The following CLEC16A variants were observed in gnomAD, a reference collection of about 807,000 sequenced individuals.
CLEC16A encodes protein CLEC16A.
Under a neutral mutation model 109.5 loss-of-function variants are expected in CLEC16A, and 51 were observed. The observed-to-expected ratio is 0.47, with a 90% CI of 0.37 to 0.59. CLEC16A has a LOEUF of 0.59. Among genes scored for constraint, CLEC16A ranks in the 20% least tolerant of loss-of-function variants. The pLI, the probability that CLEC16A is intolerant of heterozygous loss-of-function variation, is 0.00. For missense variants in CLEC16A, 1,339 were observed against 1,394.0 expected, an observed-to-expected ratio of 0.96 and a Z score of 0.63; for synonymous variants, 673 against 564.2, an observed-to-expected ratio of 1.19 and a Z score of -2.73.
At chr16:10,977,951 A>G (rs887278758) in intron 8 of CLEC16A, among the ~76,000 whole-genome samples, 5 of 152,174 alleles carry the variant, frequency 3.3e-5, no homozygotes, top group Admixed American at 1.3e-4. Context: ...CATCAGGAGG[A>G]AACAGGAAAC....
At chr16:11,044,907 CAA>C (rs1189084833) in intron 16 of CLEC16A, among the ~76,000 whole-genome samples, 1 of 132,060 alleles carries the variant, frequency 7.6e-6, no homozygotes, top group African/African-American at 2.8e-5. Flanking sequence ...TCCTAGGCAA[CAA>C]GAGCGAAAAC....
intron 5 of CLEC16A, 86 bp downstream of exon 5, chr16:10,971,316 G>T: frequency 9.9e-7 from 1 of 1,007,122 alleles, no homozygotes; most frequent in Admixed American, 2.3e-5. Flanking sequence ...ACAGTTCTCC[G>T]ATTGTCACGA....
At chr16:11,066,218 G>A (rs2048747490) in intron 19 of CLEC16A, among the ~76,000 whole-genome samples, 2 of 152,182 alleles carry the variant, frequency 1.3e-5, no homozygotes, top group Admixed American at 6.5e-5. Context: ...GCCTAGAACA[G>A]TGCCTGACAG....
chr16:11,114,407 C>G (rs1457509048), intron 19 of CLEC16A, among the ~76,000 whole-genome samples: 1 of 152,070 alleles, frequency 6.6e-6, no homozygotes, highest in East Asian at 1.9e-4. Flanking sequence ...ACCAGGCAGT[C>G]TCATGTCACC....
intron 2 of CLEC16A, among the ~76,000 whole-genome samples, chr16:10,960,421 A>G (rs1001062281): frequency 6.6e-6 from 1 of 152,146 alleles, no homozygotes; most frequent in Non-Finnish European, 1.5e-5. Context: ...TGTTTTTCTC[A>G]TGATTAAACT....
chr16:11,132,857 G>C (rs2053311502), intron 22 of CLEC16A, among the ~76,000 whole-genome samples: 1 of 152,182 alleles, frequency 6.6e-6, no homozygotes, highest in Non-Finnish European at 1.5e-5. Flanking sequence ...ATTGGTGGAT[G>C]GGAGGCTGGG....
At position 11,044,008 on chromosome 16, in the gene CLEC16A, C is replaced by G. The variant is rs1435997593; in HGVS notation, c.1771-20C>G. ...CTATATGAGACCTGCCTCCTTCACA[C>G]CTTCCTTCTCTTTTAACAGGGTGCG... On this transcript the variant is annotated intron_variant, in intron 15 of 23. Transcript: ENST00000409790. 1.3e-6 allele frequency: 2 copies of G among 1,590,322 alleles called. No individual in the cohort carries two copies. The highest frequency in any genetic ancestry group is 1.3e-5 in the African/African-American group (1 of 74,140).
intron 19 of CLEC16A, among the ~76,000 whole-genome samples, chr16:11,097,817 G>A (rs1202837715): frequency 2.6e-5 from 4 of 152,250 alleles, no homozygotes; most frequent in African/African-American, 9.6e-5. Context: ...TCCATGGGCT[G>A]TGAGTTCCTT....
chr16:10,997,360 T>C (rs752815327), intron 10 of CLEC16A, among the ~76,000 whole-genome samples: 1 of 152,242 alleles, frequency 6.6e-6, no homozygotes, highest in Non-Finnish European at 1.5e-5. Context: ...TGCACATGAT[T>C]ATATTCATGT....
At chr16:11,177,265 G>C (rs1184412165) in intron 23 of CLEC16A, among the ~76,000 whole-genome samples, 2 of 152,186 alleles carry the variant, frequency 1.3e-5, no homozygotes, top group African/African-American at 4.8e-5. Flanking sequence ...TGTTCAGGCA[G>C]GCTCATCACT....
At chr16:10,974,746 A>G (rs924435398) in intron 7 of CLEC16A, among the ~76,000 whole-genome samples, 1 of 152,240 alleles carries the variant, frequency 6.6e-6, no homozygotes, top group Admixed American at 6.5e-5. Context: ...TTATGGATTT[A>G]AACAGTCATG....
Position 10,958,050 on chromosome 16 carries a change from T to TAA in CLEC16A, c.209+155_209+156dup, listed in dbSNP as rs35204351. On this transcript the variant is annotated intron_variant, in intron 2 of 23. Transcript: ENST00000409790. Reference sequence around the variant, plus strand: ...CTAGATATCTATCTCTGTCTAGCTGTAAAAAAAAAAAAAAAATGCCCTTGA... The same window carrying TAA: ...CTAGATATCTATCTCTGTCTAGCTGTAAAAAAAAAAAAAAAAAATGCCCTTGA... 4,804 of 516,376 alleles carry TAA rather than the reference T, an allele frequency of 9.3e-3. 3 individuals are homozygous for TAA. The highest frequency in any genetic ancestry group is 0.012 in the South Asian group (196 of 17,000). 32.0% of individuals were successfully genotyped at this position (516,376 alleles called of 1,614,324 possible).
chr16:11,087,722 A>G (rs1005056923), intron 19 of CLEC16A, among the ~76,000 whole-genome samples: 16 of 152,376 alleles, frequency 1.1e-4, no homozygotes, highest in African/African-American at 3.8e-4. Context: ...GAATGGCTGC[A>G]GCTCTGCTGG....
chr16:11,140,312 G>T (rs1218485370), intron 22 of CLEC16A, among the ~76,000 whole-genome samples: 1 of 152,212 alleles, frequency 6.6e-6, no homozygotes, highest in Non-Finnish European at 1.5e-5. Flanking sequence ...GGCAGGAAGA[G>T]TCAGTGTGGA....
At chr16:11,136,293 C>G (rs1281918093) in intron 22 of CLEC16A, 1 of 152,190 alleles carries the variant, frequency 6.6e-6, no homozygotes, top group African/African-American at 2.4e-5. Context: ...TTACTAATGG[C>G]TCAGATGGTA....
At chr16:10,971,704 C>T (rs921287302) in intron 5 of CLEC16A, among the ~76,000 whole-genome samples, 12 of 152,222 alleles carry the variant, frequency 7.9e-5, no homozygotes, top group Admixed American at 6.5e-4. Flanking sequence ...ACAATTCCTC[C>T]TTTCCCTCAA....
At chr16:11,175,030 A>C (rs1402891737) in intron 23 of CLEC16A, among the ~76,000 whole-genome samples, 1 of 152,132 alleles carries the variant, frequency 6.6e-6, no homozygotes, top group African/African-American at 2.4e-5. Context: ...TTTGTGTTGA[A>C]ATCCTATTTT....
At chr16:11,065,159 G>A (rs1173397301) in intron 19 of CLEC16A, among the ~76,000 whole-genome samples, 1 of 152,234 alleles carries the variant, frequency 6.6e-6, no homozygotes, top group Non-Finnish European at 1.5e-5. Context: ...GGACAAGCAG[G>A]CTTTGAGGAG....
Position 11,126,055 on chromosome 16 carries a change from C to T in CLEC16A, c.2550C>T (p.His850=), listed in dbSNP as rs1322455792. The T allele has an allele frequency of 2.5e-6, 4 of 1,613,986 alleles. No homozygotes were observed. Among genetic ancestry groups the T allele is most frequent in the Admixed American group, 3.3e-5 (2 of 60,016 alleles). Residue 850 remains histidine (H), a synonymous_variant, in exon 22 of 24, where the codon CAC becomes CAT. Transcript: ENST00000409790. ...FGLGSSTSTQ[H]LPFRFYDQGR... ...TCGGCTCCTCCACCTCCACTCAGCA[C>T]CTGCCTTTCCGCTTCTACGACCAGG...
Sources: allele counts gnomAD v4.1 joint callset (sites outside exome capture counted in the v4.1 genomes callset), GRCh38; gene constraint gnomAD v4.1.1; transcripts MANE v1.5; gene names NCBI Gene and HGNC (gene_info 2026-07-23, HGNC 2026-07-21).